Variants in RABEP2 observed in about 807,000 individuals in gnomAD.
The protein encoded by RABEP2 is rab GTPase-binding effector protein 2.
In RABEP2, 57 loss-of-function variants were observed where a neutral mutation model predicts 74.1. The ratio of observed to expected loss-of-function variants is 0.77; its 90% CI spans 0.62 to 0.96. The LOEUF is 0.96. Among genes scored for constraint, RABEP2 ranks in the 40% least tolerant of loss-of-function variants. RABEP2 has a pLI of 0.00. For synonymous variants in RABEP2, 351 were observed against 344.0 expected, an observed-to-expected ratio of 1.02 and a Z score of -0.23; for missense variants, 692 against 756.3, an observed-to-expected ratio of 0.91 and a Z score of 1.00.
rs1446546373 is a variant in RABEP2 at position 28,908,378 on chromosome 16, A to G, written c.1245+231T>C. Among the ~76,000 whole-genome samples, 5 of 152,330 alleles carry G rather than the reference A, an allele frequency of 3.3e-5. No individual in the cohort carries two copies. The South Asian group carries it at 8.3e-4, about 25-fold the overall frequency. Reference sequence around the variant, plus strand: ...TTAAAAATAGCAAACCAACCAAATGACTGCTTCCTTCCTGCCAAGCATTCT... The same window carrying G: ...TTAAAAATAGCAAACCAACCAAATGGCTGCTTCCTTCCTGCCAAGCATTCT... On this transcript the variant is annotated intron_variant, in intron 8 of 12. Transcript: ENST00000358201.
chr16:28,910,723 G>T, intron 7 of RABEP2, 165 bp downstream of exon 7: 1 of 609,854 alleles, frequency 1.6e-6, no homozygotes, highest in Non-Finnish European at 2.9e-6. Context: ...CACGGCACCA[G>T]CTGCCCCAAA....
chr16:28,924,838 C>T, intron 1 of RABEP2: 1 of 726,276 alleles, frequency 1.4e-6, no homozygotes. Flanking sequence ...ACTCAGTCCT[C>T]TCTTCGGTCC....
At position 28,904,529 on chromosome 16, in the gene RABEP2, T is replaced by A; in HGVS notation, c.*414A>T. 1 of 1,453,368 alleles carries A rather than the reference T, an allele frequency of 6.9e-7. No homozygotes were observed. The highest frequency in any genetic ancestry group is 9.1e-7 in the Non-Finnish European group (1 of 1,094,888). 90.0% of individuals were successfully genotyped at this position (1,453,368 alleles called of 1,614,324 possible). Reference sequence around the variant, plus strand: ...GCTGTGGACAAGCGTCTTAGTGTCATGCAGACCAGAAGGCAGCTGCCTGTC... The same window carrying A: ...GCTGTGGACAAGCGTCTTAGTGTCAAGCAGACCAGAAGGCAGCTGCCTGTC... On this transcript the variant is annotated 3_prime_UTR_variant, in exon 13 of 13. Coordinates refer to ENST00000358201, the MANE Select transcript of RABEP2 (RefSeq NM_024816.3).
At chr16:28,905,914 C>T in intron 9 of RABEP2, 36 bp from the exon 10 acceptor site, 5 of 1,613,370 alleles carry the variant, frequency 3.1e-6, no homozygotes, top group Non-Finnish European at 3.4e-6. Flanking sequence ...CAAGGCCAGC[C>T]TCTCTCCCCT....
intron 2 of RABEP2, among the ~76,000 whole-genome samples, chr16:28,923,288 T>C (rs1298478693): frequency 6.6e-6 from 1 of 152,012 alleles, no homozygotes. Context: ...CATGCACCTG[T>C]AGTCTTGGCT....
rs909162161 is a variant in RABEP2, at chr16:28,904,611, C to T, written c.*332G>A. 24 of 1,097,248 alleles carry T rather than the reference C, an allele frequency of 2.2e-5. No homozygotes were observed. The highest frequency in any genetic ancestry group is 1.4e-4 in the African/African-American group (9 of 62,848). The allele number at this position is 1,097,248 out of a possible 1,614,324, so 68.0% of individuals were successfully genotyped here. A position where few individuals can be genotyped will look rare whatever the true frequency, so the allele number is the denominator to read the frequency against. On this transcript the variant is annotated 3_prime_UTR_variant, in exon 13 of 13. Transcript: ENST00000358201. ...TGGGGACTCCCAGCCCCCATGGCTC[C>T]GCTGTGCCCTGGGCAGGGGACGGGC...
At chr16:28,921,716 A>G (rs1312921960) in intron 2 of RABEP2, among the ~76,000 whole-genome samples, 1 of 143,398 alleles carries the variant, frequency 7.0e-6, no homozygotes, top group Non-Finnish European at 1.5e-5. Context: ...CTGTAATCCC[A>G]GCACTTTGGG....
rs945136526 is a variant in RABEP2, at chr16:28,924,162, C to G, written c.274+241G>C. 5 of 555,314 alleles carry G rather than the reference C, an allele frequency of 9.0e-6. No individual in the cohort carries two copies. In the African/African-American group the frequency reaches 9.4e-5, roughly 10 times the overall value. The allele number at this position is 555,314 out of a possible 1,614,324, so 34.4% of individuals were successfully genotyped here. On this transcript the variant is annotated intron_variant, in intron 2 of 12. Transcript: ENST00000358201. ...GTGAGGGACAAGAAATGACATGGGA[C>G]AAGGCAACAGATAGAAGCTGGGAGC...
Position 28,925,099 on chromosome 16 carries a change from G to C in RABEP2, c.61+4C>G. The stretch of plus-strand genomic sequence containing the variant: ...CCCGCTTGCACGGACGCCCCCTCAC[G>C]TACCAGCCCCCGGCCGCCGCCGCCG... On this transcript the variant is annotated splice_donor_region_variant and intron_variant, in intron 1 of 12. Coordinates refer to ENST00000358201, the MANE Select transcript of RABEP2 (RefSeq NM_024816.3). 6.5e-7 allele frequency: 1 copy of C among 1,540,336 alleles called. No homozygotes were observed. Among genetic ancestry groups the C allele is most frequent in the Non-Finnish European group, 8.7e-7 (1 of 1,151,564 alleles).
chr16:28,924,833 G>T, intron 1 of RABEP2: 3 of 698,890 alleles, frequency 4.3e-6, no homozygotes, highest in Non-Finnish European at 7.6e-6. Flanking sequence ...GTTTCACTCA[G>T]TCCTCTCTTC....
intron 3 of RABEP2, among the ~76,000 whole-genome samples, chr16:28,919,230 A>G (rs1964435714): frequency 6.6e-6 from 1 of 152,182 alleles, no homozygotes; most frequent in Non-Finnish European, 1.5e-5. Context: ...ATCTTAGCTC[A>G]CAGCAGCCTC....
rs1317855300 is a variant in RABEP2 at position 28,906,622 on chromosome 16, A to G, written c.1246-426T>C. 8.5e-5 allele frequency among the ~76,000 whole-genome samples: 13 copies of G among 152,096 alleles called. No individual in the cohort carries two copies. In the East Asian group the frequency reaches 2.5e-3, roughly 29 times the overall value. On this transcript the variant is annotated intron_variant, in intron 8 of 12. Coordinates refer to ENST00000358201, the MANE Select transcript of RABEP2 (RefSeq NM_024816.3). ...TCTACTAAAAATACAGAAAATAGCC[A>G]GGCGTGGTGGTGCACGCCTGTAGTC...
At position 28,908,743 on chromosome 16, in the gene RABEP2, T is replaced by C. The variant is rs1345115374; in HGVS notation, c.1111A>G (p.Lys371Glu). The change falls in exon 8 of 13, where the codon AAG becomes GAG. Residue 371 changes from lysine (K) to glutamate (E), a missense_variant. Transcript: ENST00000358201. ...LQMAELVTTH[K>E]CLHHEVKRLN... ...CGCTTTACCTCATGGTGCAGGCACTTGTGGGTGGTGACCAGCTCCGCCTAT... is the reference window on the plus strand; with the variant it reads ...CGCTTTACCTCATGGTGCAGGCACTCGTGGGTGGTGACCAGCTCCGCCTAT... 6.2e-7 allele frequency: 1 copy of C among 1,614,152 alleles called. No individual in the cohort carries two copies. The highest frequency in any genetic ancestry group is 8.5e-7 in the Non-Finnish European group (1 of 1,180,014).
chr16:28,920,901 T>C (rs1316881330), intron 2 of RABEP2, among the ~76,000 whole-genome samples: 1 of 151,838 alleles, frequency 6.6e-6, no homozygotes, highest in Non-Finnish European at 1.5e-5. Flanking sequence ...TCTCACTCTG[T>C]TGCCCAGGCT....
At chr16:28,911,761 A>G (rs1255023106) in intron 5 of RABEP2, among the ~76,000 whole-genome samples, 2 of 151,584 alleles carry the variant, frequency 1.3e-5, no homozygotes, top group Non-Finnish European at 2.9e-5. Context: ...AGCCTGACCA[A>G]TATGGTGAAA....
At chr16:28,914,613 G>A in intron 4 of RABEP2, 27 bp from the exon 5 acceptor site, 2 of 1,609,510 alleles carry the variant, frequency 1.2e-6, no homozygotes, top group African/African-American at 1.3e-5. Context: ...GGAAGAGGCT[G>A]GGGGGCCAGG....
intron 2 of RABEP2, chr16:28,921,037 T>C (rs1964462788): frequency 2.7e-6 from 1 of 370,098 alleles, no homozygotes; most frequent in South Asian, 2.0e-5. Flanking sequence ...CTAATTTTTG[T>C]ATTTTTTGTA....
intron 1 of RABEP2, 177 bp downstream of exon 1, chr16:28,924,925 CT>C: frequency 1.1e-6 from 1 of 873,806 alleles, no homozygotes; most frequent in Non-Finnish European, 1.8e-6. Flanking sequence ...GGCCCTACCC[CT>C]TCAATGGCCG....
chr16:28,916,800 GT>G (rs1479336523), intron 3 of RABEP2, among the ~76,000 whole-genome samples: 5 of 151,508 alleles, frequency 3.3e-5, no homozygotes, highest in Non-Finnish European at 7.4e-5. Context: ...ACTGGCCAAC[GT>G]GGTGAAACCC....
Sources: allele counts gnomAD v4.1 joint callset (sites outside exome capture counted in the v4.1 genomes callset), GRCh38; gene constraint gnomAD v4.1.1; transcripts MANE v1.5; gene names NCBI Gene and HGNC (gene_info 2026-07-23, HGNC 2026-07-21).